Variants in CENPF observed in about 807,000 individuals in gnomAD.
CENPF encodes centromere protein F, also known as AH antigen.
CENPF carries 214 observed loss-of-function variants against 307.3 expected under a neutral mutation model. That is an observed-to-expected ratio of 0.70 (90% confidence interval 0.62 to 0.78). CENPF has a LOEUF of 0.78. Ranked by LOEUF, CENPF falls within the 30% of genes least tolerant of loss-of-function variation. CENPF has a pLI of 0.00. For missense variants in CENPF, 3,401 were observed against 3,483.9 expected (o/e 0.98, Z 0.60); for synonymous variants, 1,259 against 1,270.6 (o/e 0.99, Z 0.19).
At chr1:214,658,742 A>AT in intron 18 of CENPF, 108 bp from the exon 19 acceptor site, 2 of 1,121,000 alleles carry the variant, frequency 1.8e-6, no homozygotes, top group Non-Finnish European at 1.3e-6. Flanking sequence ...AGGACAAAGT[A>AT]TTTTTTGGAG....
Position 214,620,891 on chromosome 1 carries a change from C to G in CENPF, c.810C>G (p.Phe270Leu), listed in dbSNP as rs565713136. The change falls in exon 6 of 20, where the codon TTC (phenylalanine) becomes TTG (leucine). Residue 270 changes from phenylalanine to leucine, a missense_variant. Coordinates refer to ENST00000366955, the MANE Select transcript of CENPF (RefSeq NM_016343.4). ...GGAAAAGAGATGCTAATAGCAGTTT[C>G]TTTGACAATTCTAGCAGTCCTCATC... ...QIGKRDANSS[F>L]FDNSSSPHLL... The G allele has an allele frequency of 2.4e-5, 39 of 1,614,088 alleles. No homozygotes were observed. The South Asian group carries it at 4.1e-4, about 17-fold the overall frequency.
chr1:214,630,911 G>A (rs1307989692), intron 9 of CENPF, among the ~76,000 whole-genome samples: 1 of 152,194 alleles, frequency 6.6e-6, no homozygotes, highest in Non-Finnish European at 1.5e-5. Context: ...TTGGTTCTTG[G>A]TTCCATGACC....
chr1:214,655,575 A>G (rs1658609715), intron 17 of CENPF, among the ~76,000 whole-genome samples, 172 bp downstream of exon 17: 1 of 152,142 alleles, frequency 6.6e-6, no homozygotes, highest in Admixed American at 6.5e-5. Flanking sequence ...TCTTGGGATC[A>G]TTATAGGACT....
At position 214,658,993 on chromosome 1, in the gene CENPF, T is replaced by C; in HGVS notation, c.9106T>C (p.Ser3036Pro). Residue 3036 changes from serine to proline, a missense_variant, in exon 19 of 20, where the codon TCC becomes CCC. Ser to Pro is a moderately conservative substitution (Grantham distance 74). Coordinates refer to ENST00000366955, the MANE Select transcript of CENPF (RefSeq NM_016343.4). ...SLGKENLAESSKPTAGGSRSQ... is the reference protein window; with the variant it reads ...SLGKENLAESPKPTAGGSRSQ... ...CGGCAAAGAAAATCTTGCAGAGTCC[T>C]CCAAACCAACAGCTGGTGGCAGCAG... 1 of 1,614,062 alleles carries C rather than the reference T, an allele frequency of 6.2e-7. No individual in the cohort carries two copies. The highest frequency in any genetic ancestry group is 1.1e-5 in the South Asian group (1 of 91,082).
At position 214,655,289 on chromosome 1, in the gene CENPF, GCC is replaced by G. The variant is rs1658601237; in HGVS notation, c.8373_8374del (p.Gln2792GlyfsTer11). The G allele has an allele frequency of 6.2e-7, 1 of 1,609,794 alleles. No individual in the cohort carries two copies. The highest frequency in any genetic ancestry group is 8.5e-7 in the Non-Finnish European group (1 of 1,177,936). ...TCAGTTGAAGAAGGAAAATGAACGT[GCC>G]CAGGGGAAAATGAAGTTGTTGATCA... is the stretch of plus-strand genomic sequence containing the variant. ...VNQLKKENERAQGKMKLLIKS... is the reference protein window; with the variant it reads ...VNQLKKENERXQGKMKLLIKS... On this transcript the variant is annotated frameshift_variant, in exon 17 of 20. Transcript: ENST00000366955. LOFTEE classifies it high-confidence loss of function.
chr1:214,651,087 C>T (rs199861654), intron 14 of CENPF, among the ~76,000 whole-genome samples: 39 of 152,128 alleles, frequency 2.6e-4, no homozygotes, highest in African/African-American at 8.0e-4. Context: ...AGAGCTGGGA[C>T]GAATTGATTG....
At chr1:214,605,892 T>C (rs1657013734) in intron 1 of CENPF, 4 of 1,597,232 alleles carry the variant, frequency 2.5e-6, no homozygotes, top group Non-Finnish European at 3.4e-6. Flanking sequence ...TTGGACACCT[T>C]CTCGATGTTA....
At chr1:214,609,934 A>G (rs994897796) in intron 1 of CENPF, among the ~76,000 whole-genome samples, 1 of 151,566 alleles carries the variant, frequency 6.6e-6, no homozygotes, top group East Asian at 1.9e-4. Flanking sequence ...TGTTTATCCA[A>G]TCTGTCACTG....
At chr1:214,621,729 CT>C (rs1657510816) in intron 6 of CENPF, among the ~76,000 whole-genome samples, 1 of 152,168 alleles carries the variant, frequency 6.6e-6, no homozygotes, top group African/African-American at 2.4e-5. Flanking sequence ...ATATAGTTTG[CT>C]GTTGTGTAAA....
At position 214,614,833 on chromosome 1, in the gene CENPF, T is replaced by A; in HGVS notation, c.164T>A (p.Val55Asp). ...TGTCTTCTGAACAATTCTCATTAGG[T>A]TGAAAATGAAAAAACCGAGGGTACA... ...EAALQKQKQK[V>D]ENEKTEGTNL... The change falls in exon 3 of 20, where the codon GTT (valine) becomes GAT (aspartate). Residue 55 changes from valine (V) to aspartate (D), a missense_variant and splice_region_variant. Physicochemically the swap from Val to Asp is radical, Grantham distance 152 (BLOSUM62 -3). Transcript: ENST00000366955. 1 of 1,567,786 alleles carries A rather than the reference T, an allele frequency of 6.4e-7. No homozygotes were observed. The highest frequency in any genetic ancestry group is 1.2e-5 in the South Asian group (1 of 83,060).
chr1:214,646,142 TAGA>T lies in CENPF; in HGVS notation c.6576_6578del (p.Glu2193del). 1 of 1,613,900 alleles carries T rather than the reference TAGA, an allele frequency of 6.2e-7. No homozygotes were observed. Among genetic ancestry groups the T allele is most frequent in the Non-Finnish European group, 8.5e-7 (1 of 1,179,998 alleles). ...GAAGTAGAGACTCTAAAAACACAAATAGAAGAGATGGCCAGAAGCCTGAAAGTT... is the reference window on the plus strand; with the variant it reads ...GAAGTAGAGACTCTAAAAACACAAATAGAGATGGCCAGAAGCCTGAAAGTT... On this transcript the variant is annotated inframe_deletion, in exon 13 of 20. Transcript: ENST00000366955.
At position 214,645,127 on chromosome 1, in the gene CENPF, C is replaced by T; in HGVS notation, c.5557C>T (p.His1853Tyr). The T allele has an allele frequency of 6.2e-7, 1 of 1,613,286 alleles. No homozygotes were observed. The highest frequency in any genetic ancestry group is 8.5e-7 in the Non-Finnish European group (1 of 1,179,788). ...SEKLEYFSCD[H>Y]QELLQRVETS... is the part of the protein sequence containing the mutation. ...AAAATTGGAATATTTTTCTTGTGATCACCAGGAGTTACTCCAGAGAGTAGA... is the reference window on the plus strand; with the variant it reads ...AAAATTGGAATATTTTTCTTGTGATTACCAGGAGTTACTCCAGAGAGTAGA... Residue 1853 changes from histidine to tyrosine, a missense_variant, in exon 13 of 20, where the codon CAC becomes TAC. Coordinates refer to ENST00000366955, the MANE Select transcript of CENPF (RefSeq NM_016343.4).
In CENPF at chr1:214,618,651, A is replaced by C; in HGVS notation, c.438A>C (p.Gln146His). ...CTCTGAATCCATGCAATACACCACA[A>C]AAAATTTTTACAACTCCACTAACAC... ...DVSLNPCNTP[Q>H]KIFTTPLTPS... is the part of the protein sequence containing the mutation. The change falls in exon 4 of 20, where the codon CAA becomes CAC. Residue 146 changes from glutamine to histidine, a missense_variant. Gln to His is a conservative substitution (Grantham distance 24). Transcript: ENST00000366955. 1.2e-6 allele frequency: 2 copies of C among 1,614,050 alleles called. No individual in the cohort carries two copies. The highest frequency in any genetic ancestry group is 1.7e-6 in the Non-Finnish European group (2 of 1,179,952).
Position 214,664,008 on chromosome 1 carries a change from T to C in CENPF, c.*214T>C, listed in dbSNP as rs941213413. 2 of 541,668 alleles carry C rather than the reference T, an allele frequency of 3.7e-6. No homozygotes were observed. Among genetic ancestry groups the C allele is most frequent in the Non-Finnish European group, 3.3e-6 (1 of 305,910 alleles). The allele number at this position is 541,668 out of a possible 1,614,324, so 33.6% of individuals were successfully genotyped here. On this transcript the variant is annotated 3_prime_UTR_variant, in exon 20 of 20. Coordinates refer to ENST00000366955, the MANE Select transcript of CENPF (RefSeq NM_016343.4). Reference sequence around the variant, plus strand: ...TCACCTGTTAGCATTGCCATTCCTCTACTGCAATGTAAATAGTATAAAGCT... The same window carrying C: ...TCACCTGTTAGCATTGCCATTCCTCCACTGCAATGTAAATAGTATAAAGCT...
rs149872585 is a variant in CENPF, at chr1:214,639,985, C to T, written c.1647C>T (p.Asn549=). The T allele has an allele frequency of 6.3e-7, 1 of 1,585,868 alleles. No individual in the cohort carries two copies. Among genetic ancestry groups the T allele is most frequent in the African/African-American group, 1.4e-5 (1 of 72,882 alleles). Residue 549 remains asparagine, a synonymous_variant, in exon 12 of 20, where the codon AAC becomes AAT. Transcript: ENST00000366955. ...AAGAAAAAATAAATCAGCAAGAAAA[C>T]TCCTTGACTTTAGAAAAACTGAAGC... ...DLQEKINQQE[N]SLTLEKLKLA...
chr1:214,607,519 G>C (rs926985823), intron 1 of CENPF, among the ~76,000 whole-genome samples: 1 of 152,308 alleles, frequency 6.6e-6, no homozygotes, highest in South Asian at 2.1e-4. Context: ...GGGACTGCCT[G>C]CAATATCACC....
In CENPF at chr1:214,641,362, G is replaced by GAA; in HGVS notation, c.3027_3028dup (p.Ser1010LysfsTer45). 2 of 1,609,550 alleles carry GAA rather than the reference G, an allele frequency of 1.2e-6. No homozygotes were observed. The highest frequency in any genetic ancestry group is 1.7e-6 in the Non-Finnish European group (2 of 1,178,956). On this transcript the variant is annotated frameshift_variant, in exon 12 of 20. Transcript: ENST00000366955. LOFTEE classifies it high-confidence loss of function. The stretch of plus-strand genomic sequence containing the variant: ...TTGCAAACTATATAGATGAAAGGGA[G>GAA]AAAAGCATTTCAGAGTTATCTGATC...
At position 214,648,710 on chromosome 1, in the gene CENPF, G is replaced by A. The variant is rs1428375370; in HGVS notation, c.7866G>A (p.Gln2622=). 6.2e-7 allele frequency: 1 copy of A among 1,613,880 alleles called. No individual in the cohort carries two copies. The change falls in exon 14 of 20, where the codon CAG becomes CAA. Residue 2622 remains glutamine (Q), a synonymous_variant. Coordinates refer to ENST00000366955, the MANE Select transcript of CENPF (RefSeq NM_016343.4). ...TGACTGCAAAGGAAACTGAGCTGCA[G>A]AGGGAAATGCATGAGATGGCACAGA... ...NKMTAKETEL[Q]REMHEMAQKT...
At chr1:214,629,620 T>G (rs1278637505) in intron 8 of CENPF, among the ~76,000 whole-genome samples, 2 of 152,076 alleles carry the variant, frequency 1.3e-5, no homozygotes, top group Non-Finnish European at 2.9e-5. Flanking sequence ...GGCACAATCT[T>G]GGCTCCCTGC....
Sources: gnomAD v4.1 joint callset for allele counts (sites outside exome capture counted in the v4.1 genomes callset) on GRCh38, gnomAD v4.1.1 for gene constraint, MANE v1.5 for transcripts, NCBI Gene and HGNC (gene_info 2026-07-23, HGNC 2026-07-21) for gene names.